Variants in OR5M1 observed in about 807,000 individuals in gnomAD.
OR5M1 encodes the protein olfactory receptor family 5 subfamily M member 1.
For missense variants in OR5M1, 367 were observed against 379.5 expected (o/e 0.97, Z 0.27); for synonymous variants, 165 against 144.2 (o/e 1.14, Z -1.04).
rs1853657558 is a variant in OR5M1 at position 56,610,173 on chromosome 11, T to C, written c.*2382A>G. 6.6e-6 allele frequency: 1 copy of C among 152,040 alleles called. No homozygotes were observed. Among genetic ancestry groups the C allele is most frequent in the African/African-American group, 2.4e-5 (1 of 41,434 alleles). 9.4% of individuals were successfully genotyped at this position (152,040 alleles called of 1,614,324 possible). A position where few individuals can be genotyped will look rare whatever the true frequency, so the allele number is the denominator to read the frequency against. ...GTACCTGGTAATTAATTAATATGAA[T>C]ATGTATGCCTTTGCGACTGGGAAAA... is the stretch of plus-strand genomic sequence containing the variant. On this transcript the variant is annotated 3_prime_UTR_variant, in exon 2 of 2. Coordinates refer to ENST00000641076, the MANE Select transcript of OR5M1 (RefSeq NM_001004740.2).
rs1853666585 is a variant in OR5M1, at chr11:56,610,788, T to C, written c.*1767A>G. The C allele has an allele frequency of 6.6e-6, 1 of 152,032 alleles. No individual in the cohort carries two copies. Among genetic ancestry groups the C allele is most frequent in the Admixed American group, 6.6e-5 (1 of 15,230 alleles). 9.4% of individuals were successfully genotyped at this position (152,032 alleles called of 1,614,324 possible). A position where few individuals can be genotyped will look rare whatever the true frequency, so the allele number is the denominator to read the frequency against. ...CAGAAGGAAAAAATTAAATCACAAA[T>C]AGAAATAAATAAAATATTTTATTAA... On this transcript the variant is annotated 3_prime_UTR_variant, in exon 2 of 2. Coordinates refer to ENST00000641076, the MANE Select transcript of OR5M1 (RefSeq NM_001004740.2).
At chr11:56,614,655 C>T (rs924092116) in intron 1 of OR5M1, among the ~76,000 whole-genome samples, 1 of 151,974 alleles carries the variant, frequency 6.6e-6, no homozygotes, top group African/African-American at 2.4e-5. Context: ...CTCATGTATA[C>T]ATCAAAAGAG....
In OR5M1 at chr11:56,613,327, A is replaced by G. The variant is rs763734763; in HGVS notation, c.176T>C (p.Met59Thr). 2 of 1,613,718 alleles carry G rather than the reference A, an allele frequency of 1.2e-6. No homozygotes were observed. The highest frequency in any genetic ancestry group is 2.2e-5 in the East Asian group (1 of 44,872). ...IRTNSHLQTPMYFFLGHLSFV... is the reference protein window; with the variant it reads ...IRTNSHLQTPTYFFLGHLSFV... ...GGAGAGGTGGCCAAGGAAGAAATAC[A>G]TGGGTGTTTGCAGGTGGGAATTGGT... The change falls in exon 2 of 2, where the codon ATG becomes ACG. Residue 59 changes from methionine (M) to threonine (T), a missense_variant. Physicochemically the swap from Met to Thr is moderately conservative, Grantham distance 81. Coordinates refer to ENST00000641076, the MANE Select transcript of OR5M1 (RefSeq NM_001004740.2).
chr11:56,611,888 A>C lies in OR5M1; in HGVS notation c.*667T>G, dbSNP rs1183998578. On this transcript the variant is annotated 3_prime_UTR_variant, in exon 2 of 2. Transcript: ENST00000641076. ...ACTGGAATGCAGTTAAAGTAGTTTGATGATAGAATTGGATCCATACACTTG... is the reference window on the plus strand; with the variant it reads ...ACTGGAATGCAGTTAAAGTAGTTTGCTGATAGAATTGGATCCATACACTTG... The C allele has an allele frequency of 1.3e-5, 2 of 152,138 alleles. No homozygotes were observed. The allele number at this position is 152,138 out of a possible 1,614,324, so 9.4% of individuals were successfully genotyped here.
rs1853694522 is a variant in OR5M1 at position 56,612,724 on chromosome 11, A to G, written c.779T>C (p.Val260Ala). The G allele has an allele frequency of 2.7e-5, 43 of 1,613,706 alleles. No individual in the cohort carries two copies. Among genetic ancestry groups the G allele is most frequent in the Non-Finnish European group, 3.6e-5 (42 of 1,179,804 alleles). Residue 260 changes from valine to alanine, a missense_variant, in exon 2 of 2, where the codon GTA becomes GCA. Val to Ala is a moderately conservative substitution (Grantham distance 64). Transcript: ENST00000641076. The stretch of plus-strand genomic sequence containing the variant: ...TACAGACTTCTCTGATGGAGGCCTT[A>G]CGTACATGCAGAAGAGGGTTCCATA... ...LFYGTLFCMYVRPPSEKSVEE... is the reference protein window; with the variant it reads ...LFYGTLFCMYARPPSEKSVEE...
rs1220008415 is a variant in OR5M1 at position 56,611,545 on chromosome 11, C to T, written c.*1010G>A. Reference sequence around the variant, plus strand: ...TGAGGCAATTTATTAGGGCTAAATACATATGTATCAATATGCAGTCATCTG... The same window carrying T: ...TGAGGCAATTTATTAGGGCTAAATATATATGTATCAATATGCAGTCATCTG... On this transcript the variant is annotated 3_prime_UTR_variant, in exon 2 of 2. Coordinates refer to ENST00000641076, the MANE Select transcript of OR5M1 (RefSeq NM_001004740.2). The T allele has an allele frequency of 6.6e-6, 1 of 152,036 alleles. No individual in the cohort carries two copies. The highest frequency in any genetic ancestry group is 2.4e-5 in the African/African-American group (1 of 41,382). 9.4% of individuals were successfully genotyped at this position (152,036 alleles called of 1,614,324 possible).
chr11:56,614,121 G>GT (rs1374979148), intron 1 of OR5M1, among the ~76,000 whole-genome samples: 4 of 152,054 alleles, frequency 2.6e-5, no homozygotes, highest in Non-Finnish European at 5.9e-5. Context: ...ATGAAGACTT[G>GT]TTTTTTTCCA....
rs1853691460 is a variant in OR5M1 at position 56,612,540 on chromosome 11, C to T, written c.*15G>A. ...TTACTCCACAAGCAATTCGTGACTG[C>T]AAATAAACACAAGCCTAAACTGCAA... On this transcript the variant is annotated 3_prime_UTR_variant, in exon 2 of 2. Transcript: ENST00000641076. The T allele has an allele frequency of 6.4e-7, 1 of 1,565,848 alleles. No homozygotes were observed. Among genetic ancestry groups the T allele is most frequent in the African/African-American group, 1.4e-5 (1 of 73,282 alleles).
intron 1 of OR5M1, among the ~76,000 whole-genome samples, chr11:56,613,772 A>G (rs965783544): frequency 5.9e-5 from 9 of 152,202 alleles, no homozygotes; most frequent in Non-Finnish European, 8.8e-5. Context: ...ACATGTATAC[A>G]TACATAAGTT....
rs1446476949 is a variant in OR5M1 at position 56,610,310 on chromosome 11, A to G, written c.*2245T>C. 1 of 152,102 alleles carries G rather than the reference A, an allele frequency of 6.6e-6. No homozygotes were observed. Among genetic ancestry groups the G allele is most frequent in the Non-Finnish European group, 1.5e-5 (1 of 67,972 alleles). 9.4% of individuals were successfully genotyped at this position (152,102 alleles called of 1,614,324 possible). A position where few individuals can be genotyped will look rare whatever the true frequency, so the allele number is the denominator to read the frequency against. On this transcript the variant is annotated 3_prime_UTR_variant, in exon 2 of 2. Coordinates refer to ENST00000641076, the MANE Select transcript of OR5M1 (RefSeq NM_001004740.2). ...AATTATAATGCCTATAAATTATGTT[A>G]ACCGGAATTTTCAAGGGAAATTCTC... is the stretch of plus-strand genomic sequence containing the variant.
Position 56,612,731 on chromosome 11 carries a change from T to C in OR5M1, c.772A>G (p.Met258Val), listed in dbSNP as rs1156608788. ...TTCTCTGATGGAGGCCTTACGTACA[T>C]GCAGAAGAGGGTTCCATAAAACAAA... ...VTLFYGTLFC[M>V]YVRPPSEKSV... Residue 258 changes from methionine (M) to valine (V), a missense_variant, in exon 2 of 2, where the codon ATG (methionine) becomes GTG (valine). Physicochemically the swap from Met to Val is conservative, Grantham distance 21 (BLOSUM62 1). Coordinates refer to ENST00000641076, the MANE Select transcript of OR5M1 (RefSeq NM_001004740.2). 4 of 1,613,668 alleles carry C rather than the reference T, an allele frequency of 2.5e-6. No individual in the cohort carries two copies. Among genetic ancestry groups the C allele is most frequent in the Admixed American group, 1.7e-5 (1 of 59,956 alleles).
chr11:56,612,666 A>T lies in OR5M1; in HGVS notation c.837T>A (p.Thr279=), dbSNP rs1298919381. 3.7e-6 allele frequency: 6 copies of T among 1,613,818 alleles called. No individual in the cohort carries two copies. The highest frequency in any genetic ancestry group is 4.2e-6 in the Non-Finnish European group (5 of 1,179,754). The stretch of plus-strand genomic sequence containing the variant: ...ATGGGTTCAGCATTGGGCTCAAAAA[A>T]GTATAAAAGACTGCAGTTATTTTGG... ...EESKITAVFY[T]FLSPMLNPLI... The change falls in exon 2 of 2, where the codon ACT becomes ACA. Residue 279 remains threonine (T), a synonymous_variant. Transcript: ENST00000641076.
At chr11:56,614,119 T>C (rs1853716178) in intron 1 of OR5M1, among the ~76,000 whole-genome samples, 1 of 152,206 alleles carries the variant, frequency 6.6e-6, no homozygotes, top group South Asian at 2.1e-4. Flanking sequence ...AAATGAAGAC[T>C]TGTTTTTTTC....
rs1161135443 is a variant in OR5M1 at position 56,611,591 on chromosome 11, T to C, written c.*964A>G. On this transcript the variant is annotated 3_prime_UTR_variant, in exon 2 of 2. Transcript: ENST00000641076. ...ATCTGGTTGACTAATAATGCATGGA[T>C]TAATGTGTCTCCTTAGGTAGCCTCT... 6.6e-6 allele frequency: 1 copy of C among 152,102 alleles called. No homozygotes were observed. The highest frequency in any genetic ancestry group is 1.5e-5 in the Non-Finnish European group (1 of 68,022). 9.4% of individuals were successfully genotyped at this position (152,102 alleles called of 1,614,324 possible).
At chr11:56,614,038 C>T (rs542707735) in intron 1 of OR5M1, among the ~76,000 whole-genome samples, 2 of 152,230 alleles carry the variant, frequency 1.3e-5, no homozygotes, top group East Asian at 3.9e-4. Context: ...TAGCTGTGTG[C>T]CTTACCTTTA....
chr11:56,614,222 C>T (rs192975450), intron 1 of OR5M1, among the ~76,000 whole-genome samples: 1 of 152,270 alleles, frequency 6.6e-6, no homozygotes, highest in Non-Finnish European at 1.5e-5. Flanking sequence ...GTAAACAAGT[C>T]TCCCAGCTCA....
At position 56,611,255 on chromosome 11, in the gene OR5M1, A is replaced by C. The variant is rs1853674072; in HGVS notation, c.*1300T>G. The C allele has an allele frequency of 6.6e-6, 1 of 152,152 alleles. No individual in the cohort carries two copies. The highest frequency in any genetic ancestry group is 2.4e-5 in the African/African-American group (1 of 41,442). 9.4% of individuals were successfully genotyped at this position (152,152 alleles called of 1,614,324 possible). A position where few individuals can be genotyped will look rare whatever the true frequency, so the allele number is the denominator to read the frequency against. On this transcript the variant is annotated 3_prime_UTR_variant, in exon 2 of 2. Transcript: ENST00000641076. Reference sequence around the variant, plus strand: ...AAACAGTGCTAAAATGTAATTGTTAAATTCTTGTCACCGAAATTTGCCTTC... The same window carrying C: ...AAACAGTGCTAAAATGTAATTGTTACATTCTTGTCACCGAAATTTGCCTTC...
In OR5M1 at chr11:56,612,401, G is replaced by T; in HGVS notation, c.*154C>A. 2.1e-6 allele frequency: 1 copy of T among 475,424 alleles called. No homozygotes were observed. Among genetic ancestry groups the T allele is most frequent in the Non-Finnish European group, 3.7e-6 (1 of 268,616 alleles). 29.5% of individuals were successfully genotyped at this position (475,424 alleles called of 1,614,324 possible). On this transcript the variant is annotated 3_prime_UTR_variant, in exon 2 of 2. Coordinates refer to ENST00000641076, the MANE Select transcript of OR5M1 (RefSeq NM_001004740.2). ...TCAACATTAAGGCTTTTATTTCTAA[G>T]AAATCAATCTTCAAGGTTTTCATTT...
In OR5M1 at chr11:56,609,820, A is replaced by G. The variant is rs1853653494; in HGVS notation, c.*2735T>C. 1 of 151,996 alleles carries G rather than the reference A, an allele frequency of 6.6e-6. No individual in the cohort carries two copies. The highest frequency in any genetic ancestry group is 1.9e-4 in the East Asian group (1 of 5,190). 9.4% of individuals were successfully genotyped at this position (151,996 alleles called of 1,614,324 possible). A position where few individuals can be genotyped will look rare whatever the true frequency, so the allele number is the denominator to read the frequency against. The stretch of plus-strand genomic sequence containing the variant: ...GTGATTATAAGTAAATGTTGCTTCT[A>G]TGTCTTATGTATGTCAATATGGTTC... On this transcript the variant is annotated 3_prime_UTR_variant, in exon 2 of 2. Coordinates refer to ENST00000641076, the MANE Select transcript of OR5M1 (RefSeq NM_001004740.2).
Sources: gnomAD v4.1 joint callset for allele counts (sites outside exome capture counted in the v4.1 genomes callset) on GRCh38, gnomAD v4.1.1 for gene constraint, MANE v1.5 for transcripts, NCBI Gene and HGNC (gene_info 2026-07-23, HGNC 2026-07-21) for gene names.